SERPINE2: variants seen among roughly 807,000 people sequenced by gnomAD.
SERPINE2 encodes glia-derived nexin.
In SERPINE2, 14 loss-of-function variants were observed where a neutral mutation model predicts 36.3. The ratio of observed to expected loss-of-function variants is 0.39; its 90% CI spans 0.25 to 0.60. The LOEUF (loss-of-function observed/expected upper bound fraction) is 0.60, where lower values mean the gene tolerates loss of function less well. Among genes scored for constraint, SERPINE2 ranks in the 20% least tolerant of loss-of-function variants. The probability of loss-of-function intolerance (pLI) is 0.57; values close to 1 mark genes in which losing one functional copy is unlikely to be tolerated. For synonymous variants in SERPINE2, 192 were observed against 191.8 expected (o/e 1.00, Z -0.01); for missense variants, 418 against 499.6 (o/e 0.84, Z 1.56).
chr2:223,985,034 C>G lies in SERPINE2; in HGVS notation c.686-84G>C, dbSNP rs1028582723. ...TGCTTGCTGGTCACCGGGATAGCTTCAGAGAGCAACTCAGTTGGAGAACTT... is the reference window on the plus strand; with the variant it reads ...TGCTTGCTGGTCACCGGGATAGCTTGAGAGAGCAACTCAGTTGGAGAACTT... On this transcript the variant is annotated intron_variant, in intron 4 of 8. Transcript: ENST00000409304. The G allele has an allele frequency of 1.1e-5, 13 of 1,168,680 alleles. No homozygotes were observed. The South Asian group carries it at 1.6e-4, about 14-fold the overall frequency. 72.4% of individuals were successfully genotyped at this position (1,168,680 alleles called of 1,614,324 possible). A position where few individuals can be genotyped will look rare whatever the true frequency, so the allele number is the denominator to read the frequency against.
chr2:223,997,816 A>T (rs186728143), intron 3 of SERPINE2, among the ~76,000 whole-genome samples: 4 of 152,340 alleles, frequency 2.6e-5, no homozygotes, highest in African/African-American at 7.2e-5. Context: ...AAACCTTCAA[A>T]ATCAACAAGA....
At chr2:224,037,874 G>A (rs1480314298) in intron 1 of SERPINE2, among the ~76,000 whole-genome samples, 1 of 152,152 alleles carries the variant, frequency 6.6e-6, no homozygotes, top group Admixed American at 6.5e-5. Flanking sequence ...TGCATGGTAC[G>A]ATATTTTCAA....
At chr2:223,998,670 C>CG (rs1690991161) in intron 2 of SERPINE2, among the ~76,000 whole-genome samples, 1 of 152,204 alleles carries the variant, frequency 6.6e-6, no homozygotes, top group Admixed American at 6.5e-5. Flanking sequence ...AAGCCATGAT[C>CG]GGGCCCCTGC....
intron 1 of SERPINE2, among the ~76,000 whole-genome samples, chr2:224,024,456 G>A (rs947780318): frequency 5.3e-5 from 8 of 152,180 alleles, no homozygotes; most frequent in African/African-American, 1.9e-4. Context: ...TACAGTTGAT[G>A]CTAATGCCTT....
At chr2:224,005,068 TA>T (rs1559209133) in intron 1 of SERPINE2, among the ~76,000 whole-genome samples, 164 of 8,536 alleles carry the variant, frequency 0.019, 1 homozygote, top group African/African-American at 0.041. Context: ...ATATATATTA[TA>T]TATATATATA....
At chr2:224,005,081 A>ATTTT (rs1559209211) in intron 1 of SERPINE2, among the ~76,000 whole-genome samples, 1 of 46,242 alleles carries the variant, frequency 2.2e-5, no homozygotes, top group Non-Finnish European at 7.8e-5. Flanking sequence ...ATATATATAT[A>ATTTT]TATATATATA....
chr2:224,012,582 G>A (rs7602769), intron 1 of SERPINE2, among the ~76,000 whole-genome samples: 34,642 of 140,224 alleles, frequency 0.25, 4,513 homozygotes, highest in African/African-American at 0.35. Context: ...CAGTCTGGGC[G>A]ACAGAGCGAG....
chr2:223,999,234 T>C (rs1691010244), intron 2 of SERPINE2, among the ~76,000 whole-genome samples: 1 of 152,232 alleles, frequency 6.6e-6, no homozygotes, highest in African/African-American at 2.4e-5. Context: ...TATGGCAACG[T>C]AAGCTTTATT....
rs1452669058 is a variant in SERPINE2, at chr2:223,975,542, A to C, written c.*325T>G. 4.2e-6 allele frequency: 1 copy of C among 239,618 alleles called. No homozygotes were observed. Among genetic ancestry groups the C allele is most frequent in the Non-Finnish European group, 7.9e-6 (1 of 126,246 alleles). 14.8% of individuals were successfully genotyped at this position (239,618 alleles called of 1,614,324 possible). On this transcript the variant is annotated 3_prime_UTR_variant, in exon 9 of 9. Transcript: ENST00000409304. Reference sequence around the variant, plus strand: ...GAAAAGCCGCACATATAGACAAAACAAAACAAAAATTCCTGAACTGGACAA... The same window carrying C: ...GAAAAGCCGCACATATAGACAAAACCAAACAAAAATTCCTGAACTGGACAA...
chr2:224,011,703 T>TA (rs1309482608), intron 1 of SERPINE2, among the ~76,000 whole-genome samples: 2 of 152,232 alleles, frequency 1.3e-5, no homozygotes, highest in African/African-American at 4.8e-5. Context: ...TAAATAATCT[T>TA]AATAATGTAT....
chr2:224,014,833 A>G (rs1348129689), intron 1 of SERPINE2, among the ~76,000 whole-genome samples: 2 of 152,166 alleles, frequency 1.3e-5, no homozygotes, highest in East Asian at 3.9e-4. Flanking sequence ...ATGAAGCACC[A>G]CAGTGCCAGG....
chr2:223,995,627 T>C (rs1292572592), intron 3 of SERPINE2, among the ~76,000 whole-genome samples: 1 of 152,224 alleles, frequency 6.6e-6, no homozygotes, highest in Non-Finnish European at 1.5e-5. Context: ...TTTGTTTTTG[T>C]TTTTGTTTTT....
chr2:224,023,106 G>A (rs927762512), intron 1 of SERPINE2, among the ~76,000 whole-genome samples: 1 of 152,200 alleles, frequency 6.6e-6, no homozygotes, highest in Non-Finnish European at 1.5e-5. Context: ...CTTATAGCAA[G>A]GTGAGAACAG....
chr2:224,024,166 C>A (rs1287188056), intron 1 of SERPINE2, among the ~76,000 whole-genome samples: 1 of 152,176 alleles, frequency 6.6e-6, no homozygotes, highest in Non-Finnish European at 1.5e-5. Flanking sequence ...TATGAGAAGA[C>A]AACTTCCACT....
intron 1 of SERPINE2, among the ~76,000 whole-genome samples, chr2:224,022,536 T>C (rs1161467427): frequency 6.6e-6 from 1 of 152,164 alleles, no homozygotes; most frequent in Admixed American, 6.6e-5. Flanking sequence ...CCAGGGGCTA[T>C]TCTCTTACAT....
At chr2:224,012,069 G>A (rs1377979288) in intron 1 of SERPINE2, among the ~76,000 whole-genome samples, 2 of 152,186 alleles carry the variant, frequency 1.3e-5, no homozygotes, top group East Asian at 3.9e-4. Context: ...AGGACTAACA[G>A]CCATTGACTA....
intron 4 of SERPINE2, among the ~76,000 whole-genome samples, chr2:223,987,021 G>T (rs764188492): frequency 6.6e-6 from 1 of 151,962 alleles, no homozygotes. Flanking sequence ...TTTTATAGAG[G>T]ACACGTGCCA....
At chr2:223,998,562 A>G (rs901022133) in intron 2 of SERPINE2, among the ~76,000 whole-genome samples, 2 of 152,054 alleles carry the variant, frequency 1.3e-5, no homozygotes, top group Admixed American at 6.6e-5. Flanking sequence ...TACCAAAAAT[A>G]CAAAATTAAC....
At chr2:223,995,808 T>C (rs1289068622) in intron 3 of SERPINE2, among the ~76,000 whole-genome samples, 1 of 152,234 alleles carries the variant, frequency 6.6e-6, no homozygotes, top group Admixed American at 6.5e-5. Flanking sequence ...CAGGACAACA[T>C]GCCTGTCTCT....
Sources: gnomAD v4.1 joint callset for allele counts (sites outside exome capture counted in the v4.1 genomes callset) on GRCh38, gnomAD v4.1.1 for gene constraint, MANE v1.5 for transcripts, NCBI Gene and HGNC (gene_info 2026-07-23, HGNC 2026-07-21) for gene names.